PTPRD: variants seen among roughly 807,000 people sequenced by gnomAD.
PTPRD encodes protein tyrosine phosphatase receptor type D, also known as receptor-type tyrosine-protein phosphatase delta.
PTPRD carries 34 observed loss-of-function variants against 214.5 expected under a neutral mutation model. The ratio of observed to expected loss-of-function variants is 0.16; its 90% CI spans 0.12 to 0.21. The LOEUF (loss-of-function observed/expected upper bound fraction) is 0.21, where lower values mean the gene tolerates loss of function less well. PTPRD is among the 10% of genes least tolerant of loss of function. The pLI, the probability that PTPRD is intolerant of heterozygous loss-of-function variation, is 1.00. For missense variants in PTPRD, 2,545 were observed against 2,398.7 expected (o/e 1.06, Z -1.27); for synonymous variants, 1,128 against 845.7 (o/e 1.33, Z -5.79).
intron 8 of PTPRD, among the ~76,000 whole-genome samples, chr9:9,568,285 T>A (rs2154298074): frequency 6.6e-6 from 1 of 151,994 alleles, no homozygotes; most frequent in African/African-American, 2.4e-5. Context: ...CCTTCTTGTT[T>A]TGTAGTAGAA....
At chr9:9,282,664 G>C (rs1228357791) in intron 9 of PTPRD, among the ~76,000 whole-genome samples, 1 of 151,388 alleles carries the variant, frequency 6.6e-6, no homozygotes, top group Non-Finnish European at 1.5e-5. Flanking sequence ...CATTTTGACT[G>C]AACTAACTTA....
At chr9:10,547,948 A>G (rs2060511429) in intron 2 of PTPRD, among the ~76,000 whole-genome samples, 1 of 152,066 alleles carries the variant, frequency 6.6e-6, no homozygotes, top group Non-Finnish European at 1.5e-5. Context: ...TAAGTTTGTA[A>G]TCAATCATGA....
chr9:9,450,688 T>C lies in PTPRD; in HGVS notation c.-236-53206A>G, dbSNP rs139912045. Among the ~76,000 whole-genome samples the C allele has an allele frequency of 2.9e-3, 435 of 151,782 alleles. 2 individuals are homozygous for C. The highest frequency in any genetic ancestry group is 0.01 in the African/African-American group (415 of 41,396). Reference sequence around the variant, plus strand: ...CTAGAATTTTGTTTTCGTAACTTGATTGACACAATTCAAAAAACTGTATGA... The same window carrying C: ...CTAGAATTTTGTTTTCGTAACTTGACTGACACAATTCAAAAAACTGTATGA... On this transcript the variant is annotated intron_variant, in intron 8 of 45. Coordinates refer to ENST00000381196, the MANE Select transcript of PTPRD (RefSeq NM_002839.4).
At position 9,389,366 on chromosome 9, in the gene PTPRD, C is replaced by T. The variant is rs147894409; in HGVS notation, c.-203+8083G>A. ...TCTCTACTAAAAATACAAAATTAGC[C>T]GGGCGTGGTGGCACATGCCTGTAAT... On this transcript the variant is annotated intron_variant, in intron 9 of 45. Transcript: ENST00000381196. 8.8e-3 allele frequency among the ~76,000 whole-genome samples: 1,331 copies of T among 151,894 alleles called. 12 individuals are homozygous for T. Among genetic ancestry groups the T allele is most frequent in the African/African-American group, 0.023 (961 of 41,410 alleles).
At chr9:10,040,462 C>T (rs556496975) in intron 3 of PTPRD, among the ~76,000 whole-genome samples, 2 of 151,998 alleles carry the variant, frequency 1.3e-5, no homozygotes, top group Admixed American at 1.3e-4. Context: ...AACCTAATTG[C>T]CACTACCCTG....
At chr9:8,485,483 C>T (rs903410807) in intron 28 of PTPRD, 159 bp from the exon 29 acceptor site, 1 of 625,048 alleles carries the variant, frequency 1.6e-6, no homozygotes, top group African/African-American at 1.8e-5. Context: ...TTTTAATACC[C>T]CATTCTCACA....
At chr9:8,318,049 C>CA (rs1823209883) in intron 45 of PTPRD, 107 bp from the exon 46 acceptor site, 3 of 1,013,638 alleles carry the variant, frequency 3.0e-6, no homozygotes, top group Non-Finnish European at 4.5e-6. Flanking sequence ...TATATAGGGG[C>CA]AAAATCACTA....
chr9:9,951,268 T>G (rs2093430696), intron 4 of PTPRD, among the ~76,000 whole-genome samples: 1 of 152,184 alleles, frequency 6.6e-6, no homozygotes, highest in South Asian at 2.1e-4. Flanking sequence ...AGGCAAGCTA[T>G]AAAAGCCTAA....
chr9:9,365,732 G>C (rs1027857293), intron 9 of PTPRD, among the ~76,000 whole-genome samples: 1 of 151,392 alleles, frequency 6.6e-6, no homozygotes, highest in Non-Finnish European at 1.5e-5. Context: ...CTCCTTCCTT[G>C]TGTGCTGTCG....
At chr9:8,774,050 G>T (rs1265609588) in intron 11 of PTPRD, among the ~76,000 whole-genome samples, 1 of 152,044 alleles carries the variant, frequency 6.6e-6, no homozygotes, top group Admixed American at 6.6e-5. Context: ...CTGTTACAGT[G>T]CCCATTACTT....
intron 3 of PTPRD, among the ~76,000 whole-genome samples, chr9:10,267,699 T>A (rs2094159881): frequency 6.6e-6 from 1 of 152,202 alleles, no homozygotes; most frequent in African/African-American, 2.4e-5. Flanking sequence ...TCAGACTCTC[T>A]TCATAATAGT....
At chr9:10,274,124 G>C (rs2094556738) in intron 3 of PTPRD, among the ~76,000 whole-genome samples, 1 of 152,068 alleles carries the variant, frequency 6.6e-6, no homozygotes, top group Non-Finnish European at 1.5e-5. Flanking sequence ...CCAAAGTTCT[G>C]TCCAACTCTG....
At chr9:10,357,799 T>C (rs769353809) in intron 2 of PTPRD, among the ~76,000 whole-genome samples, 1 of 152,222 alleles carries the variant, frequency 6.6e-6, no homozygotes, top group Non-Finnish European at 1.5e-5. Context: ...TATGCAATGA[T>C]GTGAATAATT....
chr9:9,959,035 C>G (rs555970952), intron 4 of PTPRD, among the ~76,000 whole-genome samples: 4 of 152,222 alleles, frequency 2.6e-5, no homozygotes, highest in East Asian at 1.9e-4. Context: ...TATGTTCACA[C>G]CAAAACCTTC....
At chr9:8,480,911 G>A (rs1005855408) in intron 30 of PTPRD, among the ~76,000 whole-genome samples, 7 of 152,032 alleles carry the variant, frequency 4.6e-5, no homozygotes, top group African/African-American at 1.2e-4. Context: ...GAGGCTGAGG[G>A]GTTGGATCAC....
At chr9:10,416,185 T>TAA (rs113992952) in intron 2 of PTPRD, among the ~76,000 whole-genome samples, 1 of 142,962 alleles carries the variant, frequency 7.0e-6, no homozygotes, top group African/African-American at 2.6e-5. Context: ...CCACCTCTAC[T>TAA]AAAAAAAAAA....
At chr9:10,268,449 G>C (rs1466937806) in intron 3 of PTPRD, among the ~76,000 whole-genome samples, 2 of 151,948 alleles carry the variant, frequency 1.3e-5, no homozygotes, top group Admixed American at 1.3e-4. Context: ...TAGTTTCAGA[G>C]AATACGATTC....
intron 7 of PTPRD, among the ~76,000 whole-genome samples, chr9:9,686,316 A>G (rs1488159797): frequency 6.6e-6 from 1 of 151,264 alleles, no homozygotes; most frequent in Non-Finnish European, 1.5e-5. Flanking sequence ...AAAATTCTAT[A>G]TTTAAACTCA....
At chr9:9,091,958 G>A (rs968483483) in intron 10 of PTPRD, among the ~76,000 whole-genome samples, 1 of 152,152 alleles carries the variant, frequency 6.6e-6, no homozygotes, top group Admixed American at 6.5e-5. Context: ...GCCAGGATTA[G>A]ACAATGGTTT....
Sources: allele counts gnomAD v4.1 joint callset (sites outside exome capture counted in the v4.1 genomes callset), GRCh38; gene constraint gnomAD v4.1.1; transcripts MANE v1.5; gene names NCBI Gene and HGNC (gene_info 2026-07-23, HGNC 2026-07-21).